Variants in STXBP4 observed in about 807,000 individuals in gnomAD.
The protein encoded by STXBP4 is syntaxin-binding protein 4.
In STXBP4, 55 loss-of-function variants were observed where a neutral mutation model predicts 76.1. The ratio of observed to expected loss-of-function variants is 0.72; its 90% CI spans 0.58 to 0.91. STXBP4 has a LOEUF of 0.91. Among genes scored for constraint, STXBP4 ranks in the 40% least tolerant of loss-of-function variants. The pLI, the probability that STXBP4 is intolerant of heterozygous loss-of-function variation, is 0.00. For synonymous variants in STXBP4, 201 were observed against 220.2 expected, an observed-to-expected ratio of 0.91 and a Z score of 0.77; for missense variants, 618 against 636.9, an observed-to-expected ratio of 0.97 and a Z score of 0.32.
intron 16 of STXBP4, among the ~76,000 whole-genome samples, chr17:55,092,576 A>T (rs904274696): frequency 3.9e-5 from 6 of 152,228 alleles, no homozygotes; most frequent in African/African-American, 1.4e-4. Flanking sequence ...ACTGTCAAGC[A>T]GTGACCATCT....
In STXBP4 at chr17:55,117,569, A is replaced by G. The variant is rs1167760382; in HGVS notation, c.1490-23741A>G. On this transcript the variant is annotated intron_variant, in intron 16 of 17. Coordinates refer to ENST00000376352, the MANE Select transcript of STXBP4 (RefSeq NM_178509.6). The stretch of plus-strand genomic sequence containing the variant: ...TTAAAGTTACATGTCTTTAAGAAAC[A>G]TAAGTCTACCCAAATTTGCTGCACT... Among the ~76,000 whole-genome samples, 3 of 149,982 alleles carry G rather than the reference A, an allele frequency of 2.0e-5. No homozygotes were observed. In the Admixed American group the frequency reaches 2.0e-4, roughly 10 times the overall value.
At chr17:55,206,317 G>A in the STXBP4 span, among the ~76,000 whole-genome samples, 1 of 152,070 alleles carries the variant, frequency 6.6e-6, no homozygotes, top group Non-Finnish European at 1.5e-5. Flanking sequence ...TTCATATGCT[G>A]CTATATCAGG....
In STXBP4 at chr17:55,078,784, C is replaced by A. The variant is rs1000894842; in HGVS notation, c.1355+49C>A. 4 of 1,016,270 alleles carry A rather than the reference C, an allele frequency of 3.9e-6. No individual in the cohort carries two copies. In the African/African-American group the frequency reaches 4.7e-5, roughly 12 times the overall value. 63.0% of individuals were successfully genotyped at this position (1,016,270 alleles called of 1,614,324 possible). A position where few individuals can be genotyped will look rare whatever the true frequency, so the allele number is the denominator to read the frequency against. On this transcript the variant is annotated intron_variant, in intron 15 of 17. Coordinates refer to ENST00000376352, the MANE Select transcript of STXBP4 (RefSeq NM_178509.6). ...GCAGAATATGGGTAGTGATTAAATTCTTCATCTGGTCATTGTGACTCAAAT... is the reference window on the plus strand; with the variant it reads ...GCAGAATATGGGTAGTGATTAAATTATTCATCTGGTCATTGTGACTCAAAT...
intron 8 of STXBP4, among the ~76,000 whole-genome samples, chr17:55,012,066 C>G (rs1258820728): frequency 3.3e-5 from 5 of 152,100 alleles, no homozygotes; most frequent in Non-Finnish European, 7.4e-5. Context: ...ATTTGAAGAA[C>G]TATTTATGGT....
the STXBP4 span, among the ~76,000 whole-genome samples, chr17:55,186,359 G>A: frequency 0.29 from 43,579 of 151,898 alleles, 6,994 homozygotes; most frequent in Non-Finnish European, 0.36. Context: ...TAACAAATAC[G>A]GAAAAAGCGA....
intron 10 of STXBP4, among the ~76,000 whole-genome samples, chr17:55,039,203 A>G (rs897364255): frequency 5.9e-5 from 9 of 152,234 alleles, no homozygotes; most frequent in African/African-American, 2.2e-4. Context: ...TAGAACATTC[A>G]GAAAAGATTC....
chr17:55,200,425 A>G, the STXBP4 span, among the ~76,000 whole-genome samples: 1 of 152,230 alleles, frequency 6.6e-6, no homozygotes, highest in Non-Finnish European at 1.5e-5. Context: ...GGGGAATTAA[A>G]TCCCAGAATA....
intron 16 of STXBP4, among the ~76,000 whole-genome samples, chr17:55,088,043 A>G (rs1054881390): frequency 8.5e-5 from 13 of 152,182 alleles, no homozygotes; most frequent in African/African-American, 3.1e-4. Context: ...TTTTATTTAG[A>G]AATATAATTG....
chr17:55,022,142 A>G (rs904766028), intron 8 of STXBP4, among the ~76,000 whole-genome samples: 1 of 151,318 alleles, frequency 6.6e-6, no homozygotes, highest in Non-Finnish European at 1.5e-5. Flanking sequence ...AGTTTTGTTC[A>G]TCAATAAAAT....
At chr17:55,198,321 CT>C in the STXBP4 span, among the ~76,000 whole-genome samples, 2 of 152,102 alleles carry the variant, frequency 1.3e-5, no homozygotes, top group Non-Finnish European at 2.9e-5. Flanking sequence ...TGGGGTTTTC[CT>C]TTTGATTTAC....
At chr17:55,152,174 T>C (rs889330113) in intron 17 of STXBP4, among the ~76,000 whole-genome samples, 2 of 152,222 alleles carry the variant, frequency 1.3e-5, no homozygotes, top group African/African-American at 4.8e-5. Flanking sequence ...ACAATAGTAA[T>C]GTATCAGTGA....
intron 16 of STXBP4, among the ~76,000 whole-genome samples, chr17:55,124,243 A>G (rs1041282607): frequency 1.9e-4 from 29 of 152,292 alleles, no homozygotes; most frequent in African/African-American, 6.3e-4. Flanking sequence ...AAGATGTGCA[A>G]ATTGAGAAAA....
At chr17:54,997,645 C>A (rs1030853726) in intron 4 of STXBP4, among the ~76,000 whole-genome samples, 2 of 145,088 alleles carry the variant, frequency 1.4e-5, no homozygotes, top group Non-Finnish European at 3.0e-5. Context: ...TGCTTCATTG[C>A]CCAGGCTGGA....
At chr17:55,110,610 A>AGTAGTAGTTAATACTACT (rs2079700443) in intron 16 of STXBP4, among the ~76,000 whole-genome samples, 1 of 152,216 alleles carries the variant, frequency 6.6e-6, no homozygotes, top group African/African-American at 2.4e-5. Context: ...TTCTGTAAAG[A>AGTAGTAGTTAATACTACT]ACCAAGTAGT....
chr17:55,032,922 C>A (rs1474033050), intron 9 of STXBP4, among the ~76,000 whole-genome samples: 2 of 152,154 alleles, frequency 1.3e-5, no homozygotes, highest in Admixed American at 6.5e-5. Context: ...AAATTTCCAA[C>A]CAACTTTTTT....
chr17:55,016,634 T>C (rs1007660998), intron 8 of STXBP4, among the ~76,000 whole-genome samples: 1 of 152,184 alleles, frequency 6.6e-6, no homozygotes, highest in African/African-American at 2.4e-5. Flanking sequence ...CATTGTGGCT[T>C]TTTCCTCAAT....
intron 8 of STXBP4, among the ~76,000 whole-genome samples, chr17:55,011,724 T>G (rs181874927): frequency 6.6e-5 from 10 of 152,254 alleles, no homozygotes; most frequent in Admixed American, 2.0e-4. Context: ...TACTACCTGA[T>G]TCGTCGGGTG....
the STXBP4 span, among the ~76,000 whole-genome samples, chr17:55,212,262 A>ACAAACTCTATCAGGG: frequency 6.6e-6 from 1 of 151,992 alleles, no homozygotes; most frequent in Admixed American, 6.6e-5. Flanking sequence ...TCCCTGGACT[A>ACAAACTCTATCAGGG]TAGGGTCATG....
the STXBP4 span, among the ~76,000 whole-genome samples, chr17:55,187,861 A>G: frequency 2.6e-5 from 4 of 152,218 alleles, no homozygotes; most frequent in Admixed American, 2.0e-4. Context: ...TAAGAATTAA[A>G]GAGTAACAAA....
Sources: gnomAD v4.1 joint callset for allele counts (sites outside exome capture counted in the v4.1 genomes callset) on GRCh38, gnomAD v4.1.1 for gene constraint, MANE v1.5 for transcripts, NCBI Gene and HGNC (gene_info 2026-07-23, HGNC 2026-07-21) for gene names.